The following PEX14 variants were observed in gnomAD, a reference collection of about 807,000 sequenced individuals.
PEX14 encodes peroxisomal membrane protein PEX14.
In PEX14, 15 loss-of-function variants were observed where a neutral mutation model predicts 49.5. The ratio of observed to expected loss-of-function variants is 0.30; its 90% CI spans 0.20 to 0.47. PEX14 has a LOEUF of 0.47. Ranked by LOEUF, PEX14 falls within the 20% of genes least tolerant of loss-of-function variation. PEX14 has a pLI of 1.00. For missense variants in PEX14, 398 were observed against 494.8 expected (o/e 0.80, Z 1.86); for synonymous variants, 210 against 212.7 (o/e 0.99, Z 0.11).
At chr1:10,570,260 G>A (rs554369945) in intron 3 of PEX14, among the ~76,000 whole-genome samples, 31 of 152,092 alleles carry the variant, frequency 2.0e-4, no homozygotes, top group Non-Finnish European at 2.4e-4. Flanking sequence ...TTTCATTGAT[G>A]CAACATTACT....
At chr1:10,580,878 T>G (rs1640296083) in intron 3 of PEX14, among the ~76,000 whole-genome samples, 1 of 152,162 alleles carries the variant, frequency 6.6e-6, no homozygotes, top group South Asian at 2.1e-4. Context: ...AAGTAGTACC[T>G]TATTTAATCT....
At chr1:10,616,234 G>A (rs1381016617) in intron 4 of PEX14, among the ~76,000 whole-genome samples, 1 of 152,118 alleles carries the variant, frequency 6.6e-6, no homozygotes. Context: ...ACTTGGATCC[G>A]CCTGGTGGGG....
chr1:10,515,453 G>A lies in PEX14; in HGVS notation c.84+20132G>A, dbSNP rs533910021. ...AGGTAAGGGATTGGTCCTAGAACTC[G>A]TGTGTCCCAGGATCGATGGGTGATT... On this transcript the variant is annotated intron_variant, in intron 2 of 8. Coordinates refer to ENST00000356607, the MANE Select transcript of PEX14 (RefSeq NM_004565.3). Among the ~76,000 whole-genome samples, 7 of 152,236 alleles carry A rather than the reference G, an allele frequency of 4.6e-5. No individual in the cohort carries two copies. In the East Asian group the frequency reaches 9.7e-4, roughly 21 times the overall value.
intron 4 of PEX14, among the ~76,000 whole-genome samples, chr1:10,614,901 G>A (rs1404092545): frequency 6.6e-6 from 1 of 152,192 alleles, no homozygotes; most frequent in Non-Finnish European, 1.5e-5. Flanking sequence ...GGAGCGCCAA[G>A]CAAAGCTGGC....
chr1:10,519,598 T>A (rs1171386126), intron 2 of PEX14, among the ~76,000 whole-genome samples: 1 of 152,218 alleles, frequency 6.6e-6, no homozygotes, highest in Non-Finnish European at 1.5e-5. Flanking sequence ...TGTAAGACTG[T>A]GCTGGACTTG....
chr1:10,618,250 C>A, intron 4 of PEX14, 82 bp from the exon 5 acceptor site: 1 of 1,015,158 alleles, frequency 9.9e-7, no homozygotes, highest in Non-Finnish European at 1.6e-6. Context: ...GGAGACTGTG[C>A]CACTGAGGCA....
rs1347433111 is a variant in PEX14 at position 10,536,301 on chromosome 1, C to CA, written c.169+5dup. 1.9e-6 allele frequency: 3 copies of CA among 1,544,818 alleles called. No individual in the cohort carries two copies. The African/African-American group carries it at 4.1e-5, about 21-fold the overall frequency. ...AGAGCATTCCTAAAGAAGAAAGGTA[C>CA]AGGTTCCACAGGGCTGTGCAGCACG... On this transcript the variant is annotated splice_donor_region_variant and intron_variant, in intron 3 of 8. Transcript: ENST00000356607.
intron 3 of PEX14, among the ~76,000 whole-genome samples, 175 bp from the exon 4 acceptor site, chr1:10,599,063 G>A (rs1376512121): frequency 6.6e-6 from 1 of 152,152 alleles, no homozygotes; most frequent in South Asian, 2.1e-4. Context: ...ATATTCTGTC[G>A]CTTAAGGTTA....
intron 3 of PEX14, among the ~76,000 whole-genome samples, chr1:10,589,063 T>C (rs1365521700): frequency 6.6e-6 from 1 of 152,198 alleles, no homozygotes; most frequent in Non-Finnish European, 1.5e-5. Context: ...CTTTAGAATT[T>C]TATACAGTGC....
At chr1:10,523,171 G>C (rs1638356897) in intron 2 of PEX14, among the ~76,000 whole-genome samples, 1 of 152,118 alleles carries the variant, frequency 6.6e-6, no homozygotes, top group Non-Finnish European at 1.5e-5. Flanking sequence ...TTCTGTACTA[G>C]CTGGCTCCTT....
chr1:10,615,145 C>G (rs899778602), intron 4 of PEX14, among the ~76,000 whole-genome samples: 2 of 152,118 alleles, frequency 1.3e-5, no homozygotes, highest in Admixed American at 1.3e-4. Flanking sequence ...GGGGGAAGTC[C>G]TTGCTAACCA....
At chr1:10,511,881 G>C (rs1161734749) in intron 2 of PEX14, among the ~76,000 whole-genome samples, 1 of 152,162 alleles carries the variant, frequency 6.6e-6, no homozygotes, top group African/African-American at 2.4e-5. Context: ...AGGCTTGATT[G>C]TGTTAACCTG....
chr1:10,607,478 G>A, intron 4 of PEX14, among the ~76,000 whole-genome samples: 1 of 152,202 alleles, frequency 6.6e-6, no homozygotes, highest in South Asian at 2.1e-4. Flanking sequence ...GTTTTCTGGA[G>A]TGGTTGCATC....
intron 3 of PEX14, among the ~76,000 whole-genome samples, chr1:10,552,568 C>G (rs959039775): frequency 1.3e-5 from 2 of 152,222 alleles, no homozygotes; most frequent in African/African-American, 4.8e-5. Context: ...GTATGATTCA[C>G]TGGAAAAATC....
chr1:10,510,121 A>C (rs1407228880), intron 2 of PEX14, among the ~76,000 whole-genome samples: 3 of 152,076 alleles, frequency 2.0e-5, no homozygotes, highest in African/African-American at 7.2e-5. Context: ...GCTTGACTAG[A>C]TCGATCCTTT....
chr1:10,619,881 G>A (rs1265852666), intron 5 of PEX14, among the ~76,000 whole-genome samples: 1 of 151,844 alleles, frequency 6.6e-6, no homozygotes, highest in African/African-American at 2.4e-5. Context: ...TGAGGCTGAG[G>A]ATCCTGACTT....
At chr1:10,510,932 A>G (rs779627649) in intron 2 of PEX14, among the ~76,000 whole-genome samples, 7 of 152,222 alleles carry the variant, frequency 4.6e-5, no homozygotes, top group Non-Finnish European at 7.3e-5. Flanking sequence ...TGAGACCTTT[A>G]TAGCCTTTCC....
intron 3 of PEX14, among the ~76,000 whole-genome samples, chr1:10,547,441 G>A (rs757247004): frequency 7.9e-5 from 12 of 152,240 alleles, no homozygotes; most frequent in Non-Finnish European, 1.5e-4. Flanking sequence ...GCAATATGGC[G>A]CAAATTATGG....
At chr1:10,585,769 G>T (rs1252736954) in intron 3 of PEX14, among the ~76,000 whole-genome samples, 2 of 152,210 alleles carry the variant, frequency 1.3e-5, no homozygotes, top group Non-Finnish European at 2.9e-5. Context: ...AGTGGTGCAT[G>T]CCTGTAATCC....
Sources: gnomAD v4.1 joint callset for allele counts (sites outside exome capture counted in the v4.1 genomes callset) on GRCh38, gnomAD v4.1.1 for gene constraint, MANE v1.5 for transcripts, NCBI Gene and HGNC (gene_info 2026-07-23, HGNC 2026-07-21) for gene names.